Variants in LAMA1 observed in about 807,000 individuals in gnomAD.
LAMA1 encodes the protein laminin subunit alpha 1.
A neutral mutation model predicts 348.7 loss-of-function variants in LAMA1; 219 were observed. The ratio of observed to expected loss-of-function variants is 0.63; its 90% CI spans 0.56 to 0.70. The LOEUF (loss-of-function observed/expected upper bound fraction) is 0.70. LAMA1 is among the 30% of genes least tolerant of loss of function. LAMA1 has a pLI of 0.00. For missense variants in LAMA1, 3,744 were observed against 3,888.0 expected, an observed-to-expected ratio of 0.96 and a Z score of 0.99; for synonymous variants, 1,487 against 1,491.0, an observed-to-expected ratio of 1.00 and a Z score of 0.06.
intron 1 of LAMA1, among the ~76,000 whole-genome samples, chr18:7,080,997 A>C (rs1391622274): frequency 6.6e-6 from 1 of 152,146 alleles, no homozygotes; most frequent in Admixed American, 6.6e-5. Flanking sequence ...CACTAGTCAG[A>C]ATGTCTATTA....
At chr18:7,013,042 T>C (rs1037482492) in intron 23 of LAMA1, among the ~76,000 whole-genome samples, 4 of 151,696 alleles carry the variant, frequency 2.6e-5, no homozygotes, top group Non-Finnish European at 4.4e-5. Context: ...GCACCTCTAG[T>C]CCCAGCTACT....
In LAMA1 at chr18:7,034,564, G is replaced by A. The variant is rs749582721; in HGVS notation, c.1966C>T (p.Arg656Cys). The A allele has an allele frequency of 4.3e-6, 7 of 1,613,994 alleles. No homozygotes were observed. Among genetic ancestry groups the A allele is most frequent in the East Asian group, 2.2e-5 (1 of 44,878 alleles). ...QDFHSKRQID[R>C]DQLMTVLANV... The stretch of plus-strand genomic sequence containing the variant: ...GCAAGGACAGTCATCAGCTGGTCAC[G>A]ATCAATCTGCCTTTTGCTGTGAAAA... Residue 656 changes from arginine to cysteine, a missense_variant, in exon 14 of 63, where the codon CGT becomes TGT. Coordinates refer to ENST00000389658, the MANE Select transcript of LAMA1 (RefSeq NM_005559.4).
chr18:7,053,037 A>G (rs1053629751), intron 3 of LAMA1, among the ~76,000 whole-genome samples: 3 of 152,186 alleles, frequency 2.0e-5, no homozygotes, highest in Non-Finnish European at 2.9e-5. Context: ...ATAAATAAAT[A>G]AATAAACAAA....
At position 6,999,498 on chromosome 18, in the gene LAMA1, AG is replaced by A; in HGVS notation, c.4609del (p.Leu1537SerfsTer12). On this transcript the variant is annotated frameshift_variant, in exon 32 of 63. Coordinates refer to ENST00000389658, the MANE Select transcript of LAMA1 (RefSeq NM_005559.4). LOFTEE classifies it high-confidence loss of function. ...QCVCRLGASGLRCDECEPRHI... is the reference protein window; with the variant it reads ...QCVCRLGASGXRCDECEPRHI... ...CCTCGGTTCACACTCATCGCACCGG[AG>A]CCCCGAGGCCCCCAGCCTGCAAACG... The A allele has an allele frequency of 6.2e-7, 1 of 1,614,112 alleles. No individual in the cohort carries two copies. The highest frequency in any genetic ancestry group is 8.5e-7 in the Non-Finnish European group (1 of 1,180,036).
chr18:7,058,978 C>T (rs2058092819), intron 3 of LAMA1, among the ~76,000 whole-genome samples: 2 of 152,184 alleles, frequency 1.3e-5, no homozygotes, highest in Admixed American at 1.3e-4. Context: ...CAACCTCTGC[C>T]TCCTGGGTTC....
intron 1 of LAMA1, among the ~76,000 whole-genome samples, chr18:7,094,173 G>A (rs190533079): frequency 6.6e-6 from 1 of 152,068 alleles, no homozygotes; most frequent in Non-Finnish European, 1.5e-5. Context: ...GAGATACTTC[G>A]ATTTAACAAG....
intron 42 of LAMA1, among the ~76,000 whole-genome samples, chr18:6,979,687 C>A (rs993291437): frequency 3.3e-5 from 5 of 152,236 alleles, no homozygotes. Context: ...ATCACGAGGT[C>A]AGGAGATCGA....
chr18:6,956,490 G>A (rs745518497), intron 56 of LAMA1, 146 bp downstream of exon 56: 16 of 1,366,014 alleles, frequency 1.2e-5, no homozygotes, highest in East Asian at 1.2e-4. Flanking sequence ...CCCTGTCCCC[G>A]CTCTGATTTT....
chr18:6,984,370 C>T (rs1296315917), intron 39 of LAMA1, among the ~76,000 whole-genome samples: 2 of 152,170 alleles, frequency 1.3e-5, no homozygotes, highest in East Asian at 1.9e-4. Context: ...TCACCCATAA[C>T]GCATAGCAAA....
At chr18:6,964,027 T>C (rs78897965) in intron 51 of LAMA1, 1 of 153,058 alleles carries the variant, frequency 6.5e-6, no homozygotes, top group African/African-American at 2.4e-5. Context: ...TTTTTTTTTT[T>C]CCTTTTGCCT....
intron 3 of LAMA1, among the ~76,000 whole-genome samples, chr18:7,064,358 T>C (rs987904201): frequency 1.3e-5 from 2 of 151,828 alleles, no homozygotes; most frequent in East Asian, 1.9e-4. Context: ...TGAAAATGAG[T>C]AGGAATGTAG....
Position 7,044,694 on chromosome 18 carries a change from C to T in LAMA1, c.976+28G>A, listed in dbSNP as rs7238798. The stretch of plus-strand genomic sequence containing the variant: ...GGGACGTATTAAGAGGAAAACTGTA[C>T]TGACCTTCAGATTCTAAGTATACTG... On this transcript the variant is annotated intron_variant, in intron 7 of 62. Coordinates refer to ENST00000389658, the MANE Select transcript of LAMA1 (RefSeq NM_005559.4). The T allele has an allele frequency of 3.5e-3, 5,399 of 1,551,802 alleles. 174 individuals are homozygous for T. In the African/African-American group the frequency reaches 0.064, roughly 18 times the overall value.
chr18:7,017,026 C>T (rs535537612), intron 20 of LAMA1, among the ~76,000 whole-genome samples: 2 of 152,204 alleles, frequency 1.3e-5, no homozygotes, highest in Non-Finnish European at 2.9e-5. Flanking sequence ...CAGTTACTCT[C>T]TCCTGCTGCC....
At chr18:6,982,659 G>A in intron 40 of LAMA1, 69 bp from the exon 41 acceptor site, 1 of 1,279,474 alleles carries the variant, frequency 7.8e-7, no homozygotes, top group Admixed American at 1.7e-5. Context: ...GACAGAGGAA[G>A]TGACTCCATC....
intron 1 of LAMA1, among the ~76,000 whole-genome samples, chr18:7,103,274 G>A (rs564200243): frequency 1.7e-4 from 26 of 152,142 alleles, no homozygotes; most frequent in African/African-American, 6.0e-4. Flanking sequence ...GCATGGTGGC[G>A]GGCGCCTGTA....
chr18:6,981,502 C>T (rs553071252), intron 41 of LAMA1, among the ~76,000 whole-genome samples: 2 of 152,308 alleles, frequency 1.3e-5, no homozygotes, highest in Admixed American at 6.5e-5. Flanking sequence ...AACATACAAT[C>T]ACATTTGGAT....
intron 51 of LAMA1, 65 bp from the exon 52 acceptor site, chr18:6,962,124 G>C: frequency 8.6e-7 from 1 of 1,156,842 alleles, no homozygotes; most frequent in Non-Finnish European, 1.3e-6. Flanking sequence ...TTGAAAGAAG[G>C]AATACAAAGC....
chr18:7,053,530 C>T (rs2143731627), intron 3 of LAMA1, among the ~76,000 whole-genome samples: 1 of 151,846 alleles, frequency 6.6e-6, no homozygotes, highest in South Asian at 2.1e-4. Context: ...AAATTAAAAG[C>T]CAGAGTAATG....
intron 1 of LAMA1, among the ~76,000 whole-genome samples, chr18:7,103,379 TG>T (rs2058299167): frequency 6.6e-6 from 1 of 152,082 alleles, no homozygotes; most frequent in Non-Finnish European, 1.5e-5. Context: ...CACTCCAGCC[TG>T]GGTGACAGAG....
Sources: allele counts gnomAD v4.1 joint callset (sites outside exome capture counted in the v4.1 genomes callset), GRCh38; gene constraint gnomAD v4.1.1; transcripts MANE v1.5; gene names NCBI Gene and HGNC (gene_info 2026-07-23, HGNC 2026-07-21).